The following RIT2 variants were observed in gnomAD, a reference collection of about 807,000 sequenced individuals.
RIT2 encodes GTP-binding protein Rit2.
RIT2 carries 24 observed loss-of-function variants against 23.7 expected under a neutral mutation model. That is an observed-to-expected ratio of 1.01 (90% confidence interval 0.73 to 1.43). RIT2 has a LOEUF of 1.43. RIT2 is among the 40% of genes most tolerant of loss of function. RIT2 has a pLI of 0.00. For synonymous variants in RIT2, 107 were observed against 91.1 expected (o/e 1.17, Z -0.99); for missense variants, 236 against 266.9 (o/e 0.88, Z 0.81).
At chr18:42,954,692 A>C (rs1026962911) in intron 3 of RIT2, among the ~76,000 whole-genome samples, 2 of 152,046 alleles carry the variant, frequency 1.3e-5, no homozygotes, top group Non-Finnish European at 2.9e-5. Context: ...TAAGGTCTGA[A>C]TGAGATTTGT....
chr18:43,080,531 C>T (rs1913132438), intron 1 of RIT2, among the ~76,000 whole-genome samples: 1 of 152,188 alleles, frequency 6.6e-6, no homozygotes, highest in South Asian at 2.1e-4. Flanking sequence ...CTCCTTACCT[C>T]ACACCTCTGC....
At chr18:42,990,229 C>T (rs1910810160) in intron 2 of RIT2, among the ~76,000 whole-genome samples, 1 of 152,000 alleles carries the variant, frequency 6.6e-6, no homozygotes, top group Non-Finnish European at 1.5e-5. Context: ...AATGGCCCCC[C>T]AGTTCAAGCA....
intron 3 of RIT2, among the ~76,000 whole-genome samples, chr18:42,951,445 G>C (rs941767607): frequency 1.3e-5 from 2 of 151,690 alleles, no homozygotes; most frequent in Non-Finnish European, 2.9e-5. Context: ...GATGGAGAGG[G>C]GAAAGCATTG....
chr18:42,803,327 A>C (rs543337392), intron 4 of RIT2, among the ~76,000 whole-genome samples: 2 of 152,326 alleles, frequency 1.3e-5, no homozygotes, highest in East Asian at 3.9e-4. Context: ...AAATGAATTA[A>C]CAATATGAAG....
intron 1 of RIT2, among the ~76,000 whole-genome samples, chr18:43,046,356 A>C (rs1175090983): frequency 6.6e-6 from 1 of 152,204 alleles, no homozygotes; most frequent in African/African-American, 2.4e-5. Flanking sequence ...TCAACATATC[A>C]CTTGTTGGTC....
chr18:42,907,367 T>C (rs1908650570), intron 4 of RIT2, among the ~76,000 whole-genome samples: 1 of 152,160 alleles, frequency 6.6e-6, no homozygotes, highest in South Asian at 2.1e-4. Context: ...ATGATGGAAG[T>C]GGACAAGGAT....
At chr18:42,750,243 C>G (rs567254354) in intron 4 of RIT2, among the ~76,000 whole-genome samples, 2 of 151,698 alleles carry the variant, frequency 1.3e-5, no homozygotes, top group Non-Finnish European at 3.0e-5. Context: ...TTACATTTTT[C>G]GAGAGTTTAA....
At chr18:42,841,387 C>A (rs780076159) in intron 4 of RIT2, among the ~76,000 whole-genome samples, 1 of 152,110 alleles carries the variant, frequency 6.6e-6, no homozygotes, top group Non-Finnish European at 1.5e-5. Flanking sequence ...GTTATAAAAT[C>A]ATAAAATGTT....
intron 3 of RIT2, among the ~76,000 whole-genome samples, chr18:42,949,398 G>T (rs569170349): frequency 6.4e-4 from 98 of 152,112 alleles, no homozygotes; most frequent in African/African-American, 2.3e-3. Context: ...GGAAGACAAA[G>T]GTTTTCAAAT....
Position 43,104,679 on chromosome 18 carries a change from T to A in RIT2, c.103+10738A>T, listed in dbSNP as rs986634153. Among the ~76,000 whole-genome samples, 9 of 152,210 alleles carry A rather than the reference T, an allele frequency of 5.9e-5. No individual in the cohort carries two copies. The East Asian group carries it at 1.5e-3, about 26-fold the overall frequency. On this transcript the variant is annotated intron_variant, in intron 1 of 4. Transcript: ENST00000326695. ...CAGTCCTAAGATAATTATATTGGAATAAAGTATGAAATATTTCTAAACAGT... is the reference window on the plus strand; with the variant it reads ...CAGTCCTAAGATAATTATATTGGAAAAAAGTATGAAATATTTCTAAACAGT...
chr18:42,976,207 T>C (rs998061837), intron 2 of RIT2, among the ~76,000 whole-genome samples: 1 of 151,806 alleles, frequency 6.6e-6, no homozygotes, highest in Non-Finnish European at 1.5e-5. Context: ...CTGGGAGAAG[T>C]AGCACCTAAA....
intron 3 of RIT2, among the ~76,000 whole-genome samples, chr18:42,952,610 T>A (rs1322527721): frequency 6.6e-6 from 1 of 152,268 alleles, no homozygotes; most frequent in East Asian, 1.9e-4. Context: ...GCATAGATTG[T>A]GTTGATGGTT....
At chr18:42,918,767 G>A (rs1252756194) in intron 4 of RIT2, among the ~76,000 whole-genome samples, 2 of 152,044 alleles carry the variant, frequency 1.3e-5, no homozygotes, top group Non-Finnish European at 2.9e-5. Flanking sequence ...GTTTCCCAGT[G>A]ATCACTCTAC....
chr18:43,068,267 A>G (rs998013674), intron 1 of RIT2, among the ~76,000 whole-genome samples: 3 of 152,142 alleles, frequency 2.0e-5, no homozygotes, highest in African/African-American at 7.2e-5. Context: ...TGAAGATTTT[A>G]TTTCAAGAGG....
At chr18:43,106,886 A>T (rs1302772082) in intron 1 of RIT2, among the ~76,000 whole-genome samples, 3 of 152,254 alleles carry the variant, frequency 2.0e-5, no homozygotes, top group African/African-American at 7.2e-5. Flanking sequence ...AAGGACAGGT[A>T]GCACTGTTTG....
At chr18:42,908,655 G>A (rs1050207562) in intron 4 of RIT2, among the ~76,000 whole-genome samples, 6 of 152,072 alleles carry the variant, frequency 3.9e-5, no homozygotes, top group African/African-American at 1.2e-4. Flanking sequence ...CTGAAAGAGC[G>A]GTCAATCCCA....
At position 43,091,745 on chromosome 18, in the gene RIT2, T is replaced by G. The variant is rs569944690; in HGVS notation, c.103+23672A>C. Among the ~76,000 whole-genome samples, 10 of 152,158 alleles carry G rather than the reference T, an allele frequency of 6.6e-5. No homozygotes were observed. In the East Asian group the frequency reaches 1.9e-3, roughly 29 times the overall value. On this transcript the variant is annotated intron_variant, in intron 1 of 4. Transcript: ENST00000326695. ...TATGCTCCAAAGACAAAGATGACCT[T>G]TGGATTATGCGTTATTTAGGATTCT...
intron 1 of RIT2, among the ~76,000 whole-genome samples, chr18:43,061,461 A>G (rs976401788): frequency 1.3e-5 from 2 of 152,146 alleles, no homozygotes; most frequent in Non-Finnish European, 2.9e-5. Flanking sequence ...GAGGAGACAG[A>G]CAAATTCCTA....
At chr18:43,050,260 G>A (rs1912348216) in intron 1 of RIT2, among the ~76,000 whole-genome samples, 1 of 151,680 alleles carries the variant, frequency 6.6e-6, no homozygotes, top group East Asian at 2.0e-4. Context: ...CAAACTCCTG[G>A]GCTCAAGTGA....
Sources: gnomAD v4.1 joint callset for allele counts (sites outside exome capture counted in the v4.1 genomes callset) on GRCh38, gnomAD v4.1.1 for gene constraint, MANE v1.5 for transcripts, NCBI Gene and HGNC (gene_info 2026-07-23, HGNC 2026-07-21) for gene names.